The following FDFT1 variants were observed in gnomAD, a reference collection of about 807,000 sequenced individuals.
The protein encoded by FDFT1 is squalene synthase.
FDFT1 carries 68 observed loss-of-function variants against 46.8 expected under a neutral mutation model. The ratio of observed to expected loss-of-function variants is 1.45; its 90% CI spans 1.19 to 1.78. The LOEUF is 1.78. FDFT1 is among the 40% of genes most tolerant of loss of function. FDFT1 has a pLI of 0.00. For synonymous variants in FDFT1, 351 were observed against 185.1 expected, an observed-to-expected ratio of 1.90 and a Z score of -7.28; for missense variants, 928 against 524.4, an observed-to-expected ratio of 1.77 and a Z score of -7.52.
At position 11,821,762 on chromosome 8, in the gene FDFT1, T is replaced by A; in HGVS notation, c.394T>A (p.Phe132Ile). The A allele has an allele frequency of 6.2e-7, 1 of 1,613,302 alleles. No homozygotes were observed. The highest frequency in any genetic ancestry group is 8.5e-7 in the Non-Finnish European group (1 of 1,179,430). The part of the protein sequence containing the change: ...LEDFPTISLE[F>I]RNLAEKYQTV... ...GTTTCCATTTCAGATCTCCCTTGAG[T>A]TTAGAAATCTGGCTGAGAAATACCA... Residue 132 changes from phenylalanine to isoleucine, a missense_variant, in exon 4 of 8, where the codon TTT becomes ATT. By Grantham distance (21) the Phe-to-Ile change is conservative (BLOSUM62 0). Coordinates refer to ENST00000220584, the MANE Select transcript of FDFT1 (RefSeq NM_004462.5).
At position 11,831,567 on chromosome 8, in the gene FDFT1, T is replaced by G. The variant is rs1267481792; in HGVS notation, c.929T>G (p.Phe310Cys). The G allele has an allele frequency of 6.2e-7, 1 of 1,614,016 alleles. No individual in the cohort carries two copies. The highest frequency in any genetic ancestry group is 1.3e-5 in the African/African-American group (1 of 74,942). Residue 310 changes from phenylalanine to cysteine, a missense_variant, in exon 7 of 8, where the codon TTC (phenylalanine) becomes TGC (cysteine). Coordinates refer to ENST00000220584, the MANE Select transcript of FDFT1 (RefSeq NM_004462.5). ...LAACYNNQQV[F>C]KGAVKIRKGQ... ...GCCTGTTATAATAACCAGCAGGTGT[T>G]CAAAGGGGCAGTGAAGATTCGGAAA...
chr8:11,835,243 C>T (rs1811378572), intron 7 of FDFT1, among the ~76,000 whole-genome samples: 2 of 152,268 alleles, frequency 1.3e-5, no homozygotes, highest in East Asian at 1.9e-4. Flanking sequence ...TTTTTAAGAC[C>T]TGAATAATTG....
intron 5 of FDFT1, among the ~76,000 whole-genome samples, chr8:11,827,657 A>C (rs932859776): frequency 1.3e-5 from 2 of 152,228 alleles, no homozygotes; most frequent in Non-Finnish European, 2.9e-5. Flanking sequence ...CAAGGAGATA[A>C]GAACAAGATA....
chr8:11,835,332 C>T (rs3735810), intron 7 of FDFT1, among the ~76,000 whole-genome samples: 27,052 of 152,020 alleles, frequency 0.18, 3,016 homozygotes, highest in East Asian at 0.48. Context: ...CTAGAAGGTC[C>T]CTTTGGCCTT....
intron 4 of FDFT1, among the ~76,000 whole-genome samples, chr8:11,822,751 G>T (rs1809436886): frequency 6.6e-6 from 1 of 152,192 alleles, no homozygotes; most frequent in Non-Finnish European, 1.5e-5. Context: ...AAGAGTTGAA[G>T]GTTGCAGTGA....
rs1436489904 is a variant in FDFT1, at chr8:11,830,164, C to T, written c.703-80C>T. On this transcript the variant is annotated intron_variant, in intron 5 of 7. Transcript: ENST00000220584. The stretch of plus-strand genomic sequence containing the variant: ...CCCAGCCTGTATCATAGTTCTTATG[C>T]ACAAAGACCCTTTAATATTGTTTGT... The T allele has an allele frequency of 6.0e-6, 7 of 1,175,236 alleles. No individual in the cohort carries two copies. The African/African-American group carries it at 9.1e-5, about 15-fold the overall frequency. 72.8% of individuals were successfully genotyped at this position (1,175,236 alleles called of 1,614,324 possible).
intron 5 of FDFT1, among the ~76,000 whole-genome samples, chr8:11,828,546 C>G (rs1299873974): frequency 1.3e-5 from 2 of 152,228 alleles, no homozygotes; most frequent in African/African-American, 4.8e-5. Context: ...CCATTGTCTC[C>G]CAGACAGAAC....
intron 2 of FDFT1, 55 bp from the exon 3 acceptor site, chr8:11,809,612 T>A: frequency 4.0e-6 from 6 of 1,503,796 alleles, no homozygotes; most frequent in East Asian, 2.3e-5. Flanking sequence ...TATTTTAAAA[T>A]AAAAAATCTT....
At chr8:11,818,874 G>A (rs1808829127) in intron 3 of FDFT1, among the ~76,000 whole-genome samples, 1 of 152,158 alleles carries the variant, frequency 6.6e-6, no homozygotes, top group Admixed American at 6.5e-5. Flanking sequence ...ATATTGTTAT[G>A]TTTGAATTTG....
chr8:11,830,218 G>A, intron 5 of FDFT1, 26 bp from the exon 6 acceptor site: 1 of 1,591,592 alleles, frequency 6.3e-7, no homozygotes, highest in Non-Finnish European at 8.6e-7. Flanking sequence ...ACGCTGACCT[G>A]TTCCTTAATC....
intron 3 of FDFT1, among the ~76,000 whole-genome samples, chr8:11,820,958 C>G (rs1042963782): frequency 6.6e-6 from 1 of 152,206 alleles, no homozygotes; most frequent in African/African-American, 2.4e-5. Context: ...ATCGATCTTG[C>G]TGGGAGCTGT....
chr8:11,817,073 G>C (rs961071852), intron 3 of FDFT1, among the ~76,000 whole-genome samples: 15 of 152,228 alleles, frequency 9.9e-5, no homozygotes, highest in South Asian at 2.1e-4. Context: ...AGAGTTTTTA[G>C]CATGAAAGAC....
chr8:11,808,744 ACTCCTG>A (rs1554517532), intron 1 of FDFT1, 44 bp from the exon 2 acceptor site: 1 of 1,316,190 alleles, frequency 7.6e-7, no homozygotes, highest in Non-Finnish European at 1.0e-6. Flanking sequence ...TCCCACTCCC[ACTCCTG>A]CTCCTCGACG....
At chr8:11,825,691 AAAAAATAAAAAAT>A in intron 4 of FDFT1, among the ~76,000 whole-genome samples, 1 of 151,482 alleles carries the variant, frequency 6.6e-6, no homozygotes, top group African/African-American at 2.4e-5. Context: ...CATCTCAAAA[AAAAAATAAAAAAT>A]AAAAATAAAA....
At chr8:11,814,159 C>G (rs1464150462) in intron 3 of FDFT1, among the ~76,000 whole-genome samples, 1 of 152,164 alleles carries the variant, frequency 6.6e-6, no homozygotes, top group Non-Finnish European at 1.5e-5. Context: ...AACGGAGATT[C>G]AGGGATTCTA....
In FDFT1 at chr8:11,828,325, C is replaced by T. The variant is rs933160350; in HGVS notation, c.703-1919C>T. Among the ~76,000 whole-genome samples the T allele has an allele frequency of 2.6e-5, 4 of 152,290 alleles. No homozygotes were observed. In the South Asian group the frequency reaches 8.3e-4, roughly 32 times the overall value. On this transcript the variant is annotated intron_variant, in intron 5 of 7. Coordinates refer to ENST00000220584, the MANE Select transcript of FDFT1 (RefSeq NM_004462.5). ...CAAACAACAACAAAAAAACAAAAAA[C>T]ACTTCCCTCAGCTCAGACATGGCCT...
At chr8:11,805,933 A>G (rs145419016) in intron 1 of FDFT1, among the ~76,000 whole-genome samples, 12 of 152,310 alleles carry the variant, frequency 7.9e-5, no homozygotes, top group African/African-American at 2.6e-4. Flanking sequence ...TGATGTCCGC[A>G]TTGTGCTTGG....
intron 1 of FDFT1, chr8:11,803,753 C>A (rs1000409022): frequency 1.6e-5 from 3 of 191,230 alleles, no homozygotes; most frequent in Admixed American, 1.1e-4. Context: ...TGATAGGTGC[C>A]TGAACATCGG....
At chr8:11,806,824 G>C (rs765792372) in intron 1 of FDFT1, among the ~76,000 whole-genome samples, 1 of 152,084 alleles carries the variant, frequency 6.6e-6, no homozygotes, top group East Asian at 1.9e-4. Flanking sequence ...TAAAATCCTC[G>C]ATGAATGTCT....
Sources: gnomAD v4.1 joint callset for allele counts (sites outside exome capture counted in the v4.1 genomes callset) on GRCh38, gnomAD v4.1.1 for gene constraint, MANE v1.5 for transcripts, NCBI Gene and HGNC (gene_info 2026-07-23, HGNC 2026-07-21) for gene names.